The following GRK3 variants were observed in gnomAD, a reference collection of about 807,000 sequenced individuals.
The protein encoded by GRK3 is G protein-coupled receptor kinase 3.
A neutral mutation model predicts 95.7 loss-of-function variants in GRK3; 54 were observed. That is an observed-to-expected ratio of 0.56 (90% CI 0.45 to 0.71). The LOEUF (loss-of-function observed/expected upper bound fraction) is 0.71. Ranked by LOEUF, GRK3 falls within the 30% of genes least tolerant of loss-of-function variation. The pLI is 0.00. For missense variants in GRK3, 649 were observed against 851.2 expected (o/e 0.76, Z 2.96); for synonymous variants, 281 against 290.8 (o/e 0.97, Z 0.34).
chr22:25,583,544 A>C (rs2146320901), intron 1 of GRK3, among the ~76,000 whole-genome samples: 1 of 151,938 alleles, frequency 6.6e-6, no homozygotes, highest in East Asian at 1.9e-4. Context: ...CACTGTTTAG[A>C]CTGTCTGTGT....
chr22:25,652,767 T>C (rs984125487), intron 3 of GRK3, among the ~76,000 whole-genome samples: 2 of 152,212 alleles, frequency 1.3e-5, no homozygotes, highest in African/African-American at 4.8e-5. Context: ...ATTTTAATAC[T>C]ATATTTTTAC....
chr22:25,611,062 A>G (rs1431460534), intron 2 of GRK3, among the ~76,000 whole-genome samples: 3 of 152,106 alleles, frequency 2.0e-5, no homozygotes, highest in Non-Finnish European at 2.9e-5. Flanking sequence ...AGGTCTCACT[A>G]TGTTGCCCAG....
intron 10 of GRK3, among the ~76,000 whole-genome samples, chr22:25,687,130 T>TG (rs377174891): frequency 4.2e-4 from 64 of 152,196 alleles, no homozygotes; most frequent in African/African-American, 1.4e-3. Context: ...TAGTTTTTTT[T>TG]TTTGTTTGTT....
At chr22:25,713,715 G>A (rs1418819834) in intron 17 of GRK3, among the ~76,000 whole-genome samples, 2 of 152,228 alleles carry the variant, frequency 1.3e-5, no homozygotes, top group African/African-American at 4.8e-5. Context: ...TCAAAATGCA[G>A]CCTTACCTAG....
intron 15 of GRK3, among the ~76,000 whole-genome samples, chr22:25,706,624 A>G (rs1481956838): frequency 6.6e-6 from 1 of 152,122 alleles, no homozygotes; most frequent in Non-Finnish European, 1.5e-5. Flanking sequence ...TCTGTCTCCC[A>G]GGTTCAAGTG....
chr22:25,716,582 C>A (rs1245087069), intron 18 of GRK3, among the ~76,000 whole-genome samples: 1 of 151,778 alleles, frequency 6.6e-6, no homozygotes, highest in Non-Finnish European at 1.5e-5. Flanking sequence ...TCAGAGGTCA[C>A]CTTTATAGAA....
chr22:25,622,349 T>C lies in GRK3; in HGVS notation c.190+17896T>C, dbSNP rs573957958. On this transcript the variant is annotated intron_variant, in intron 2 of 20. Coordinates refer to ENST00000324198, the MANE Select transcript of GRK3 (RefSeq NM_005160.4). The stretch of plus-strand genomic sequence containing the variant: ...GCGTCTGAGGGTATCAGCCAGATCA[T>C]AGCGTTTGCTGTGCAGTGGGATCGT... 2.0e-5 allele frequency among the ~76,000 whole-genome samples: 3 copies of C among 152,314 alleles called. No homozygotes were observed. In the South Asian group the frequency reaches 6.2e-4, roughly 32 times the overall value.
chr22:25,652,873 G>A (rs2084844037), intron 3 of GRK3, among the ~76,000 whole-genome samples: 1 of 152,134 alleles, frequency 6.6e-6, no homozygotes, highest in Admixed American at 6.6e-5. Context: ...GTTGCCTGCA[G>A]TATTCAGTAT....
At chr22:25,718,197 AT>A (rs1437050291) in intron 18 of GRK3, 47 bp from the exon 19 acceptor site, 2 of 1,585,794 alleles carry the variant, frequency 1.3e-6, no homozygotes, top group African/African-American at 2.7e-5. Flanking sequence ...CTGCTAAGAC[AT>A]TTTGTTTCAG....
chr22:25,649,771 T>A (rs1257914461), intron 3 of GRK3, among the ~76,000 whole-genome samples: 3 of 152,178 alleles, frequency 2.0e-5, no homozygotes, highest in Admixed American at 6.5e-5. Context: ...TGCATGGACA[T>A]GGGCCAGGTT....
At chr22:25,709,193 A>G (rs1420565235) in intron 15 of GRK3, among the ~76,000 whole-genome samples, 1 of 151,906 alleles carries the variant, frequency 6.6e-6, no homozygotes, top group Admixed American at 6.6e-5. Context: ...GCCCGTCACC[A>G]TGCCCGGCTA....
At chr22:25,695,633 C>T (rs916846972) in intron 13 of GRK3, among the ~76,000 whole-genome samples, 5 of 152,020 alleles carry the variant, frequency 3.3e-5, no homozygotes, top group South Asian at 2.1e-4. Flanking sequence ...AGGATGAAAA[C>T]CCAAAGTAAA....
In GRK3 at chr22:25,601,870, C is replaced by T. The variant is rs186104053; in HGVS notation, c.114-2507C>T. On this transcript the variant is annotated intron_variant, in intron 1 of 20. Coordinates refer to ENST00000324198, the MANE Select transcript of GRK3 (RefSeq NM_005160.4). ...GACCATATTTGTGTTTACACAAAAG[C>T]GAAAACTTTTAAACTTGTGAAAGAA... is the stretch of plus-strand genomic sequence containing the variant. Among the ~76,000 whole-genome samples the T allele has an allele frequency of 2.0e-4, 31 of 152,258 alleles. 1 individual carries two copies. In the East Asian group the frequency reaches 3.1e-3, roughly 15 times the overall value.
chr22:25,576,495 T>G (rs532724707), intron 1 of GRK3, among the ~76,000 whole-genome samples: 75 of 152,352 alleles, frequency 4.9e-4, no homozygotes, highest in African/African-American at 1.8e-3. Context: ...CCATTTGTGT[T>G]ATGTATTGAT....
chr22:25,585,824 T>G (rs1301409351), intron 1 of GRK3, among the ~76,000 whole-genome samples: 1 of 152,208 alleles, frequency 6.6e-6, no homozygotes, highest in African/African-American at 2.4e-5. Context: ...ACTTCAAGGG[T>G]GTAGAATCTG....
intron 6 of GRK3, among the ~76,000 whole-genome samples, chr22:25,668,588 G>C (rs989652887): frequency 6.6e-6 from 1 of 152,240 alleles, no homozygotes; most frequent in African/African-American, 2.4e-5. Flanking sequence ...TTATCCTGGA[G>C]CAGAGTCAAT....
Position 25,635,869 on chromosome 22 carries a change from A to G in GRK3, c.191-8723A>G, listed in dbSNP as rs563061085. Among the ~76,000 whole-genome samples the G allele has an allele frequency of 7.2e-5, 11 of 152,342 alleles. No individual in the cohort carries two copies. The South Asian group carries it at 1.0e-3, about 14-fold the overall frequency. ...TGGCACCCATCAGTTTTCTGACTCC[A>G]TCATTCATTCCATAGTTTTTGACTG... is the stretch of plus-strand genomic sequence containing the variant. On this transcript the variant is annotated intron_variant, in intron 2 of 20. Coordinates refer to ENST00000324198, the MANE Select transcript of GRK3 (RefSeq NM_005160.4).
chr22:25,644,147 G>GT (rs1014533364), intron 2 of GRK3, among the ~76,000 whole-genome samples: 7 of 144,146 alleles, frequency 4.9e-5, no homozygotes, highest in African/African-American at 1.6e-4. Context: ...TTTTTTTTTT[G>GT]TTTGTTTGTT....
Position 25,682,403 on chromosome 22 carries a change from CT to C in GRK3, c.748-2764del, listed in dbSNP as rs1286184760. Among the ~76,000 whole-genome samples the C allele has an allele frequency of 3.3e-5, 5 of 152,254 alleles. No homozygotes were observed. The East Asian group carries it at 9.6e-4, about 29-fold the overall frequency. ...GGAGGCTCGGAGATAGGGGCTCTAT[CT>C]TTGAGTGTTTGCTGGAACAAATAAA... On this transcript the variant is annotated intron_variant, in intron 9 of 20. Coordinates refer to ENST00000324198, the MANE Select transcript of GRK3 (RefSeq NM_005160.4).
Sources: gnomAD v4.1 joint callset for allele counts (sites outside exome capture counted in the v4.1 genomes callset) on GRCh38, gnomAD v4.1.1 for gene constraint, MANE v1.5 for transcripts, NCBI Gene and HGNC (gene_info 2026-07-23, HGNC 2026-07-21) for gene names.